Variants in BPTF observed in about 807,000 individuals in gnomAD.
BPTF encodes nucleosome-remodeling factor subunit BPTF.
A neutral mutation model predicts 292.5 loss-of-function variants in BPTF; 18 were observed. The observed-to-expected ratio is 0.06, with a 90% confidence interval of 0.04 to 0.09. The LOEUF (loss-of-function observed/expected upper bound fraction) is 0.09, where lower values mean the gene tolerates loss of function less well. Among genes scored for constraint, BPTF ranks in the 10% least tolerant of loss-of-function variants. The pLI is 1.00. For synonymous variants in BPTF, 1,225 were observed against 1,251.9 expected, an observed-to-expected ratio of 0.98 and a Z score of 0.45; for missense variants, 2,726 against 3,498.7, an observed-to-expected ratio of 0.78 and a Z score of 5.57.
intron 1 of BPTF, among the ~76,000 whole-genome samples, chr17:67,829,811 C>T (rs1393893084): frequency 6.6e-6 from 1 of 152,084 alleles, no homozygotes; most frequent in African/African-American, 2.4e-5. Flanking sequence ...TAAGTACTGA[C>T]GTGACATTCC....
chr17:67,960,000 C>T (rs1412042675), intron 24 of BPTF, 125 bp downstream of exon 24: 1 of 770,992 alleles, frequency 1.3e-6, no homozygotes, highest in Non-Finnish European at 2.0e-6. Context: ...AGTAATGTTT[C>T]ATCCATGGTC....
At chr17:67,876,603 C>G (rs561562666) in intron 4 of BPTF, among the ~76,000 whole-genome samples, 2 of 152,186 alleles carry the variant, frequency 1.3e-5, no homozygotes, top group Non-Finnish European at 2.9e-5. Context: ...GTCAGGAGTT[C>G]GAGACCAGCC....
chr17:67,831,512 G>A (rs773092668), intron 1 of BPTF, among the ~76,000 whole-genome samples: 13 of 152,166 alleles, frequency 8.5e-5, no homozygotes, highest in African/African-American at 1.4e-4. Context: ...ACCCACGGGC[G>A]TGTTTGGAAG....
At chr17:67,921,616 G>A (rs1226884136) in intron 13 of BPTF, among the ~76,000 whole-genome samples, 1 of 152,174 alleles carries the variant, frequency 6.6e-6, no homozygotes, top group Non-Finnish European at 1.5e-5. Context: ...CTCCCCAAAT[G>A]TATACAATTA....
At chr17:67,830,353 G>C (rs1041509749) in intron 1 of BPTF, among the ~76,000 whole-genome samples, 3 of 152,166 alleles carry the variant, frequency 2.0e-5, no homozygotes, top group African/African-American at 4.8e-5. Flanking sequence ...AGTGATTTAT[G>C]TCCTCTAAGG....
chr17:67,967,575 C>T (rs1051983751), intron 26 of BPTF, among the ~76,000 whole-genome samples: 6 of 152,120 alleles, frequency 3.9e-5, no homozygotes, highest in African/African-American at 1.4e-4. Flanking sequence ...AATCCCAGCA[C>T]TTCCGGAGGC....
At position 67,864,041 on chromosome 17, in the gene BPTF, A is replaced by G. The variant is rs2059244751; in HGVS notation, c.1437-2423A>G. 2.0e-5 allele frequency among the ~76,000 whole-genome samples: 3 copies of G among 152,188 alleles called. No individual in the cohort carries two copies. The South Asian group carries it at 6.2e-4, about 31-fold the overall frequency. ...GTGGTAACTTCAGGGAAGCCTGGCCAGTTTGGGTGAGCCTGAGGAACATGG... is the reference window on the plus strand; with the variant it reads ...GTGGTAACTTCAGGGAAGCCTGGCCGGTTTGGGTGAGCCTGAGGAACATGG... On this transcript the variant is annotated intron_variant, in intron 2 of 27. Coordinates refer to ENST00000306378, the MANE Select transcript of BPTF (RefSeq NM_182641.4).
At chr17:67,922,362 A>G (rs997737942) in intron 13 of BPTF, among the ~76,000 whole-genome samples, 3 of 152,092 alleles carry the variant, frequency 2.0e-5, no homozygotes, top group Non-Finnish European at 4.4e-5. Flanking sequence ...TCCACTTTAT[A>G]TTGGTAACTC....
At chr17:67,924,614 G>T (rs1323415635) in intron 15 of BPTF, 25 bp downstream of exon 15, 1 of 1,606,954 alleles carries the variant, frequency 6.2e-7, no homozygotes, top group Non-Finnish European at 8.5e-7. Flanking sequence ...GAAGGCAGAG[G>T]ACATCAAGGC....
At chr17:67,885,254 A>G (rs961863800) in intron 4 of BPTF, among the ~76,000 whole-genome samples, 5 of 152,162 alleles carry the variant, frequency 3.3e-5, no homozygotes, top group South Asian at 2.1e-4. Flanking sequence ...TTTAAGAACT[A>G]TACTCTTAGT....
intron 11 of BPTF, among the ~76,000 whole-genome samples, chr17:67,915,006 A>AT (rs1367192193): frequency 6.6e-6 from 1 of 152,160 alleles, no homozygotes; most frequent in Non-Finnish European, 1.5e-5. Context: ...TTTAGAATGC[A>AT]TTTTTTAAAA....
rs80201495 is a variant in BPTF at position 67,918,795 on chromosome 17, T to C, written c.5385T>C (p.Asp1795=). ...TGTGGGCAAGTTTGAGATGGGATGA[T>C]ATGGCGGCCAAGGCTCCTCCAGGAG... ...RLLWASLRWD[D]MAAKAPPGGG... Residue 1795 remains aspartate, a synonymous_variant, in exon 12 of 28, where the codon GAT becomes GAC. Transcript: ENST00000306378. 3.8e-3 allele frequency: 6,103 copies of C among 1,613,738 alleles called. 136 individuals carry two copies. The African/African-American group carries it at 0.055, about 15-fold the overall frequency.
intron 25 of BPTF, chr17:67,965,553 T>G (rs2068006822): frequency 6.8e-6 from 1 of 146,698 alleles, no homozygotes; most frequent in Non-Finnish European, 1.5e-5. Context: ...TTTTTAAAAA[T>G]CAGCCAGGTA....
chr17:67,880,427 T>C (rs1193255671), intron 4 of BPTF, among the ~76,000 whole-genome samples: 1 of 152,200 alleles, frequency 6.6e-6, no homozygotes, highest in Non-Finnish European at 1.5e-5. Flanking sequence ...GCTATCAGCT[T>C]TCCTCTATGT....
intron 1 of BPTF, among the ~76,000 whole-genome samples, chr17:67,844,072 T>C (rs1476487076): frequency 1.5e-5 from 1 of 64,590 alleles, no homozygotes; most frequent in East Asian, 1.8e-3. Flanking sequence ...GCCCCCGCCT[T>C]TTTTTTTTTT....
At chr17:67,894,984 T>C (rs540889033) in intron 7 of BPTF, among the ~76,000 whole-genome samples, 2 of 152,220 alleles carry the variant, frequency 1.3e-5, no homozygotes, top group East Asian at 3.9e-4. Context: ...AAAACTAAGG[T>C]TATGGTAAAT....
At chr17:67,839,034 A>G (rs986963427) in intron 1 of BPTF, among the ~76,000 whole-genome samples, 21 of 152,186 alleles carry the variant, frequency 1.4e-4, no homozygotes, top group African/African-American at 4.8e-4. Context: ...ATCTGCAAAA[A>G]TGAATCATAT....
intron 7 of BPTF, among the ~76,000 whole-genome samples, chr17:67,894,914 C>A (rs925465758): frequency 6.6e-6 from 1 of 152,128 alleles, no homozygotes; most frequent in Non-Finnish European, 1.5e-5. Flanking sequence ...TGACTTGAAT[C>A]TACTTTTTAG....
intron 4 of BPTF, among the ~76,000 whole-genome samples, chr17:67,878,193 A>G (rs1388200498): frequency 6.6e-6 from 1 of 152,222 alleles, no homozygotes; most frequent in African/African-American, 2.4e-5. Context: ...TCAACAAAAC[A>G]TCAATGAGAG....
Sources: gnomAD v4.1 joint callset for allele counts (sites outside exome capture counted in the v4.1 genomes callset) on GRCh38, gnomAD v4.1.1 for gene constraint, MANE v1.5 for transcripts, NCBI Gene and HGNC (gene_info 2026-07-23, HGNC 2026-07-21) for gene names.